The following LIMS4 variants were observed in gnomAD, a reference collection of about 807,000 sequenced individuals.
LIMS4 encodes the protein LIM and senescent cell antigen-like-containing domain protein 4.
the LIMS4 span, among the ~76,000 whole-genome samples, chr2:110,390,839 C>T: frequency 6.6e-6 from 1 of 152,256 alleles, no homozygotes; most frequent in African/African-American, 2.4e-5. Flanking sequence ...TCCAGGAGCG[C>T]ACCATCTGGA....
chr2:110,447,557 C>T (rs1210147340), intron 8 of LIMS4, among the ~76,000 whole-genome samples: 2 of 5,590 alleles, frequency 3.6e-4, no homozygotes, highest in East Asian at 2.6e-3. Context: ...TGGGTTCAAG[C>T]GATTCTCCTG....
At chr2:110,391,983 G>A in the LIMS4 span, among the ~76,000 whole-genome samples, 1 of 150,764 alleles carries the variant, frequency 6.6e-6, no homozygotes. Context: ...CAGCACGCCT[G>A]AGAAGCATTT....
At chr2:110,379,085 G>T in the LIMS4 span, among the ~76,000 whole-genome samples, 80 of 148,594 alleles carry the variant, frequency 5.4e-4, no homozygotes, top group Non-Finnish European at 1.0e-3. Context: ...ACACAAAGTT[G>T]GAGTAGGCTA....
chr2:110,392,119 T>C, the LIMS4 span, among the ~76,000 whole-genome samples: 1 of 152,102 alleles, frequency 6.6e-6, no homozygotes, highest in South Asian at 2.1e-4. Context: ...TATTTTCTTT[T>C]CAATTTAATA....
At chr2:110,367,288 A>G in the LIMS4 span, among the ~76,000 whole-genome samples, 1 of 145,950 alleles carries the variant, frequency 6.9e-6, no homozygotes, top group East Asian at 2.0e-4. Flanking sequence ...CTAAGCAAAA[A>G]GAACAAAGCG....
the LIMS4 span, among the ~76,000 whole-genome samples, chr2:110,425,141 G>A: frequency 4.9e-5 from 7 of 143,202 alleles, 1 homozygote; most frequent in Non-Finnish European, 8.9e-5. Context: ...GGAACCCACC[G>A]GAAGGAACCA....
At chr2:110,361,174 C>T in the LIMS4 span, 133 of 850,814 alleles carry the variant, frequency 1.6e-4, 2 homozygotes, top group Non-Finnish European at 2.1e-4. Flanking sequence ...TGATGCCATG[C>T]GTCAGCTGGA....
the LIMS4 span, among the ~76,000 whole-genome samples, chr2:110,378,819 C>A: frequency 1.6e-5 from 2 of 122,966 alleles, no homozygotes; most frequent in African/African-American, 7.9e-5. Context: ...TCCTCTCCTT[C>A]CCTCCCTGGA....
At chr2:110,373,203 AC>A in the LIMS4 span, among the ~76,000 whole-genome samples, 177 of 9,136 alleles carry the variant, frequency 0.019, no homozygotes, top group Non-Finnish European at 0.026. Flanking sequence ...CCCCAGTGAC[AC>A]CCCCCCCCTC....
chr2:110,422,350 T>C, the LIMS4 span, among the ~76,000 whole-genome samples: 1 of 24,560 alleles, frequency 4.1e-5, no homozygotes, highest in Non-Finnish European at 5.7e-5. Context: ...CTTTACCTGC[T>C]CTCTCGAGGG....
At chr2:110,360,608 A>T in the LIMS4 span, 1 of 1,153,878 alleles carries the variant, frequency 8.7e-7, no homozygotes, top group Non-Finnish European at 1.2e-6. Context: ...GTCTGTGGCT[A>T]TTTCTCGTCT....
the LIMS4 span, among the ~76,000 whole-genome samples, chr2:110,407,598 G>A: frequency 7.3e-6 from 1 of 137,076 alleles, no homozygotes; most frequent in Admixed American, 7.3e-5. Context: ...CCCTGCGTGT[G>A]AGGCCCATGC....
chr2:110,369,010 A>C, the LIMS4 span, among the ~76,000 whole-genome samples: 2 of 104,572 alleles, frequency 1.9e-5, no homozygotes, highest in Non-Finnish European at 3.7e-5. Flanking sequence ...CATTGTGCAC[A>C]CAGATCTCTC....
the LIMS4 span, among the ~76,000 whole-genome samples, chr2:110,418,604 T>C: frequency 1.4e-5 from 1 of 69,190 alleles, no homozygotes; most frequent in Admixed American, 1.6e-4. Flanking sequence ...ACCACTGATG[T>C]AAATATAGCC....
the LIMS4 span, among the ~76,000 whole-genome samples, chr2:110,425,498 T>G: frequency 7.2e-6 from 1 of 139,834 alleles, no homozygotes; most frequent in Non-Finnish European, 1.5e-5. Context: ...TTTCTGGGAC[T>G]ATGAATCTGT....
chr2:110,411,421 CT>C, the LIMS4 span, among the ~76,000 whole-genome samples: 1 of 137,780 alleles, frequency 7.3e-6, no homozygotes, highest in Non-Finnish European at 1.5e-5. Context: ...TCCATTAAGC[CT>C]CAAAAAGATC....
the LIMS4 span, among the ~76,000 whole-genome samples, chr2:110,424,600 C>G: frequency 2.8e-5 from 4 of 144,698 alleles, no homozygotes; most frequent in African/African-American, 1.1e-4. Context: ...CAATCCCTGT[C>G]ACCTGGCATG....
At chr2:110,367,169 C>CA in the LIMS4 span, among the ~76,000 whole-genome samples, 3 of 150,452 alleles carry the variant, frequency 2.0e-5, no homozygotes, top group Non-Finnish European at 4.4e-5. Flanking sequence ...TCTCTAGATT[C>CA]AATGTTATTC....
chr2:110,392,301 CG>C, the LIMS4 span, among the ~76,000 whole-genome samples: 1 of 150,778 alleles, frequency 6.6e-6, no homozygotes, highest in African/African-American at 2.5e-5. Context: ...TAGCCAGGCG[CG>C]GTGGCAGGCG....
Sources: allele counts gnomAD v4.1 joint callset (sites outside exome capture counted in the v4.1 genomes callset), GRCh38; gene constraint gnomAD v4.1.1; transcripts MANE v1.5; gene names NCBI Gene and HGNC (gene_info 2026-07-23, HGNC 2026-07-21).